Variants in SDK1 observed in about 807,000 individuals in gnomAD.
SDK1 encodes the protein protein sidekick-1.
SDK1 carries 157 observed loss-of-function variants against 245.5 expected under a neutral mutation model. The ratio of observed to expected loss-of-function variants is 0.64; its 90% confidence interval spans 0.56 to 0.73. The LOEUF is 0.73. Among genes scored for constraint, SDK1 ranks in the 30% least tolerant of loss-of-function variants. The probability of loss-of-function intolerance (pLI) is 0.00; values close to 1 mark genes in which losing one functional copy is unlikely to be tolerated. For synonymous variants in SDK1, 1,647 were observed against 1,278.5 expected (o/e 1.29, Z -6.15); for missense variants, 3,583 against 3,002.3 (o/e 1.19, Z -4.52).
At chr7:3,618,036 G>C (rs566448911) in intron 1 of SDK1, among the ~76,000 whole-genome samples, 13 of 152,200 alleles carry the variant, frequency 8.5e-5, no homozygotes, top group Non-Finnish European at 1.5e-4. Flanking sequence ...AAAATGACGA[G>C]TCATATAATC....
chr7:3,332,329 T>A (rs4416733), intron 1 of SDK1, among the ~76,000 whole-genome samples: 1 of 151,962 alleles, frequency 6.6e-6, no homozygotes, highest in Non-Finnish European at 1.5e-5. Flanking sequence ...GGCTCCATCC[T>A]TTAATGTCAG....
At chr7:4,110,543 G>T (rs941808051) in intron 22 of SDK1, 120 bp from the exon 23 acceptor site, 17 of 691,856 alleles carry the variant, frequency 2.5e-5, no homozygotes, top group Middle Eastern at 3.9e-4. Flanking sequence ...CTTGTCCCAG[G>T]TGTGGGGACG....
At chr7:3,489,457 T>C (rs1396800422) in intron 1 of SDK1, among the ~76,000 whole-genome samples, 2 of 152,216 alleles carry the variant, frequency 1.3e-5, no homozygotes, top group African/African-American at 4.8e-5. Context: ...GATATATATA[T>C]TTTTACCATT....
intron 1 of SDK1, chr7:3,302,156 C>T (rs146872781): frequency 2.6e-4 from 42 of 161,904 alleles, no homozygotes; most frequent in Admixed American, 7.7e-4. Flanking sequence ...GTTGAGGACC[C>T]ATTTCTCAGC....
intron 22 of SDK1, 22 bp downstream of exon 22, chr7:4,079,606 G>A (rs202224348): frequency 6.2e-7 from 1 of 1,613,722 alleles, no homozygotes. Context: ...GTTAGACTGG[G>A]AGCTGGCATT....
chr7:3,910,743 C>A (rs1164919389), intron 5 of SDK1, among the ~76,000 whole-genome samples: 1 of 152,192 alleles, frequency 6.6e-6, no homozygotes, highest in Non-Finnish European at 1.5e-5. Flanking sequence ...ACTTGAAAGG[C>A]CAATTCTTGG....
chr7:3,386,192 A>C (rs909400738), intron 1 of SDK1, among the ~76,000 whole-genome samples: 6 of 152,200 alleles, frequency 3.9e-5, no homozygotes, highest in East Asian at 1.9e-4. Flanking sequence ...CATCCAGCCA[A>C]ATTATCATAA....
At chr7:3,733,624 G>C (rs926420035) in intron 4 of SDK1, among the ~76,000 whole-genome samples, 3 of 152,164 alleles carry the variant, frequency 2.0e-5, no homozygotes, top group African/African-American at 7.2e-5. Context: ...AGCTATGTCT[G>C]TCTCACTTGG....
chr7:3,489,089 T>C (rs756267064), intron 1 of SDK1, among the ~76,000 whole-genome samples: 2 of 152,132 alleles, frequency 1.3e-5, no homozygotes, highest in Non-Finnish European at 2.9e-5. Context: ...AGGCTAGCGA[T>C]ACAGAGTGGG....
At chr7:3,391,635 A>G (rs1279877155) in intron 1 of SDK1, among the ~76,000 whole-genome samples, 1 of 130,330 alleles carries the variant, frequency 7.7e-6, no homozygotes, top group Non-Finnish European at 1.6e-5. Flanking sequence ...CTGTTAACTG[A>G]TTTTTTTTTT....
intron 20 of SDK1, among the ~76,000 whole-genome samples, chr7:4,074,904 ATATATATATATATTTTT>A: frequency 1.5e-5 from 1 of 64,980 alleles, no homozygotes; most frequent in South Asian, 5.2e-4. Flanking sequence ...ATATATATAT[ATATATATATATATTTTT>A]TTTTTTTTTT....
intron 1 of SDK1, among the ~76,000 whole-genome samples, chr7:3,477,066 G>T (rs372921372): frequency 7.2e-5 from 11 of 152,032 alleles, no homozygotes; most frequent in African/African-American, 1.4e-4. Flanking sequence ...GTCTGATTGT[G>T]ACCTTCCTCT....
At position 4,099,990 on chromosome 7, in the gene SDK1, G is replaced by A. The variant is rs575387253; in HGVS notation, c.3325-10673G>A. Among the ~76,000 whole-genome samples the A allele has an allele frequency of 3.3e-5, 5 of 152,216 alleles. No homozygotes were observed. The East Asian group carries it at 9.8e-4, about 30-fold the overall frequency. On this transcript the variant is annotated intron_variant, in intron 22 of 44. Coordinates refer to ENST00000404826, the MANE Select transcript of SDK1 (RefSeq NM_152744.4). ...CTCGCTATGTGGACAGGAAGTCTCA[G>A]GAGCTCAGTGTCTCTCGAACGTAGG...
At chr7:3,848,313 T>C (rs1780331683) in intron 5 of SDK1, among the ~76,000 whole-genome samples, 1 of 152,196 alleles carries the variant, frequency 6.6e-6, no homozygotes, top group South Asian at 2.1e-4. Flanking sequence ...CCCAGAAGGA[T>C]GTTATTTTAA....
chr7:3,393,763 GA>G (rs1006932923), intron 1 of SDK1, among the ~76,000 whole-genome samples: 4 of 152,034 alleles, frequency 2.6e-5, no homozygotes, highest in African/African-American at 9.7e-5. Flanking sequence ...GTGTTTTCTT[GA>G]ATTTGAGTTT....
intron 1 of SDK1, among the ~76,000 whole-genome samples, chr7:3,319,465 C>T (rs757649952): frequency 5.9e-5 from 9 of 152,164 alleles, no homozygotes; most frequent in Admixed American, 1.3e-4. Flanking sequence ...GCTGGTGTGG[C>T]CTAACCAAGC....
At chr7:4,260,798 C>T (rs1314091620) in intron 44 of SDK1, among the ~76,000 whole-genome samples, 5 of 148,570 alleles carry the variant, frequency 3.4e-5, no homozygotes, top group African/African-American at 5.0e-5. Context: ...ATGTGTTCAT[C>T]GTCACCTGAT....
At chr7:3,709,406 C>T (rs1433476158) in intron 4 of SDK1, among the ~76,000 whole-genome samples, 1 of 152,184 alleles carries the variant, frequency 6.6e-6, no homozygotes, top group Non-Finnish European at 1.5e-5. Flanking sequence ...TATTCCCCAC[C>T]CCTCCCTGTA....
intron 4 of SDK1, among the ~76,000 whole-genome samples, chr7:3,804,283 T>C (rs951739958): frequency 2.6e-5 from 4 of 152,232 alleles, no homozygotes; most frequent in Non-Finnish European, 4.4e-5. Flanking sequence ...AGGGTTTGGC[T>C]GAGGTCAGTT....
Sources: gnomAD v4.1 joint callset for allele counts (sites outside exome capture counted in the v4.1 genomes callset) on GRCh38, gnomAD v4.1.1 for gene constraint, MANE v1.5 for transcripts, NCBI Gene and HGNC (gene_info 2026-07-23, HGNC 2026-07-21) for gene names.